Variants in NPAT observed in about 807,000 individuals in gnomAD.
NPAT encodes the protein protein NPAT.
Under a neutral mutation model 130.7 loss-of-function variants are expected in NPAT, and 52 were observed. That is an observed-to-expected ratio of 0.40 (90% CI 0.32 to 0.50). The LOEUF is 0.50. NPAT is among the 20% of genes least tolerant of loss of function. NPAT has a pLI of 0.68. For synonymous variants in NPAT, 580 were observed against 584.8 expected (o/e 0.99, Z 0.12); for missense variants, 1,687 against 1,662.6 (o/e 1.01, Z -0.26).
chr11:108,162,924 C>T (rs2077866522), intron 15 of NPAT, among the ~76,000 whole-genome samples: 1 of 152,254 alleles, frequency 6.6e-6, no homozygotes, highest in Admixed American at 6.5e-5. Flanking sequence ...TTCTAATAGC[C>T]ATATTTTAAT....
intron 2 of NPAT, 88 bp downstream of exon 2, chr11:108,197,213 AT>A (rs1330863954): frequency 1.0e-3 from 911 of 892,700 alleles, no homozygotes; most frequent in South Asian, 1.8e-3. Flanking sequence ...GCCAATTTCA[AT>A]TTTTTTTTTC....
rs1591416613 is a variant in NPAT, at chr11:108,208,813, ATAGC to A, written c.38-11397_38-11394del. On this transcript the variant is annotated intron_variant, in intron 1 of 17. Transcript: ENST00000278612. ...ACTGTAAAGCAACTAGACCTACCAG[ATAGC>A]TATAGAACATTCCAGTCAAAAACAG... 2.6e-5 allele frequency among the ~76,000 whole-genome samples: 4 copies of A among 152,350 alleles called. No homozygotes were observed. The East Asian group carries it at 7.7e-4, about 29-fold the overall frequency.
Position 108,176,921 on chromosome 11 carries a change from T to C in NPAT, c.1003+73A>G, listed in dbSNP as rs1248443859. On this transcript the variant is annotated intron_variant, in intron 11 of 17. Coordinates refer to ENST00000278612, the MANE Select transcript of NPAT (RefSeq NM_002519.3). ...TTTTAGATACTCTGGGGAATGTTGATTCACTCTGGTTAAGTTACCAAAGAA... is the reference window on the plus strand; with the variant it reads ...TTTTAGATACTCTGGGGAATGTTGACTCACTCTGGTTAAGTTACCAAAGAA... 1.1e-6 allele frequency: 1 copy of C among 927,662 alleles called. No homozygotes were observed. Among genetic ancestry groups the C allele is most frequent in the Non-Finnish European group, 1.8e-6 (1 of 562,778 alleles). 57.5% of individuals were successfully genotyped at this position (927,662 alleles called of 1,614,324 possible).
At chr11:108,182,983 T>C (rs2078071515) in intron 10 of NPAT, among the ~76,000 whole-genome samples, 1 of 152,130 alleles carries the variant, frequency 6.6e-6, no homozygotes. Context: ...AGCATACATA[T>C]TTGTTTTTTG....
Position 108,172,488 on chromosome 11 carries a change from G to A in NPAT, c.2496C>T (p.Gly832=). 2 of 1,614,142 alleles carry A rather than the reference G, an allele frequency of 1.2e-6. No individual in the cohort carries two copies. The highest frequency in any genetic ancestry group is 1.7e-6 in the Non-Finnish European group (2 of 1,180,004). The part of the protein sequence containing the change: ...SAVNNTQNED[G]IAFSANVTPC... ...GTGTAACATTAGCTGAAAAAGCAAT[G>A]CCATCTTCATTCTGAGTATTGTTTA... The change falls in exon 13 of 18, where the codon GGC becomes GGT. Residue 832 remains glycine (G), a synonymous_variant. Coordinates refer to ENST00000278612, the MANE Select transcript of NPAT (RefSeq NM_002519.3).
chr11:108,207,603 A>G (rs1341065121), intron 1 of NPAT, among the ~76,000 whole-genome samples: 1 of 152,272 alleles, frequency 6.6e-6, no homozygotes, highest in East Asian at 1.9e-4. Context: ...GCACACACCC[A>G]GCCAGGTCCC....
At chr11:108,204,382 G>GA (rs2078305407) in intron 1 of NPAT, among the ~76,000 whole-genome samples, 1 of 151,626 alleles carries the variant, frequency 6.6e-6, no homozygotes, top group African/African-American at 2.4e-5. Flanking sequence ...GCAACACGTG[G>GA]GGTTACCTAC....
intron 10 of NPAT, among the ~76,000 whole-genome samples, chr11:108,181,220 T>C (rs779549813): frequency 6.6e-6 from 1 of 152,176 alleles, no homozygotes; most frequent in Non-Finnish European, 1.5e-5. Flanking sequence ...TCCCAGCACT[T>C]TGGGAGGCCG....
At chr11:108,207,472 A>C (rs1360622721) in intron 1 of NPAT, among the ~76,000 whole-genome samples, 1 of 152,236 alleles carries the variant, frequency 6.6e-6, no homozygotes, top group Non-Finnish European at 1.5e-5. Context: ...GCCAAGGGGC[A>C]GGCCCATGCC....
intron 1 of NPAT, among the ~76,000 whole-genome samples, chr11:108,219,482 C>CT (rs558553194): frequency 3.3e-5 from 5 of 152,162 alleles, no homozygotes; most frequent in Non-Finnish European, 7.4e-5. Context: ...ATGGTTTCTA[C>CT]TTTTTTTACT....
At position 108,189,836 on chromosome 11, in the gene NPAT, C is replaced by T. The variant is rs372521446; in HGVS notation, c.332-506G>A. ...AGTGAGCCGAGATCGCGCCACTGCA[C>T]TCCAGCCTGGGCGACAGAGCGAGAC... On this transcript the variant is annotated intron_variant, in intron 5 of 17. Transcript: ENST00000278612. Among the ~76,000 whole-genome samples, 3 of 146,730 alleles carry T rather than the reference C, an allele frequency of 2.0e-5. No individual in the cohort carries two copies. The East Asian group carries it at 6.1e-4, about 30-fold the overall frequency.
chr11:108,221,947 G>A (rs1431767574), intron 1 of NPAT, among the ~76,000 whole-genome samples: 2 of 152,158 alleles, frequency 1.3e-5, no homozygotes, highest in African/African-American at 4.8e-5. Flanking sequence ...TTTAAAATAT[G>A]CAACTGGCAT....
chr11:108,162,682 T>C (rs2077863396), intron 15 of NPAT, among the ~76,000 whole-genome samples: 1 of 152,234 alleles, frequency 6.6e-6, no homozygotes, highest in Non-Finnish European at 1.5e-5. Flanking sequence ...TCTGCCCACC[T>C]GGGCCTCCCA....
intron 10 of NPAT, among the ~76,000 whole-genome samples, chr11:108,181,452 G>A (rs565109197): frequency 2.8e-5 from 4 of 143,594 alleles, no homozygotes; most frequent in African/African-American, 5.0e-5. Flanking sequence ...GTGACAGAGC[G>A]AGACTCTGTC....
chr11:108,188,224 G>T (rs1383530675), intron 6 of NPAT, 45 bp from the exon 7 acceptor site: 3 of 1,402,692 alleles, frequency 2.1e-6, no homozygotes, highest in East Asian at 4.6e-5. Context: ...AAACTGAATA[G>T]TTTTCTAAAC....
At chr11:108,165,411 CTTTTA>C (rs1241511276) in intron 15 of NPAT, among the ~76,000 whole-genome samples, 5 of 145,902 alleles carry the variant, frequency 3.4e-5, no homozygotes, top group Non-Finnish European at 6.0e-5. Flanking sequence ...CACCCAGTTT[CTTTTA>C]TTTTCTTCTA....
chr11:108,166,653 TA>T (rs2077905407), intron 15 of NPAT, among the ~76,000 whole-genome samples: 1 of 152,216 alleles, frequency 6.6e-6, no homozygotes, highest in South Asian at 2.1e-4. Context: ...CTTTCTAAAC[TA>T]TCTTGTTCCA....
intron 1 of NPAT, among the ~76,000 whole-genome samples, chr11:108,200,501 T>G (rs943177375): frequency 6.6e-6 from 1 of 152,166 alleles, no homozygotes; most frequent in Non-Finnish European, 1.5e-5. Context: ...CAGACCAATA[T>G]TAATTAACCC....
chr11:108,185,794 A>C (rs2078101981), intron 8 of NPAT, among the ~76,000 whole-genome samples: 1 of 152,202 alleles, frequency 6.6e-6, no homozygotes, highest in African/African-American at 2.4e-5. Context: ...ACAGTGGCAC[A>C]ATCTCAGTTC....
Sources: gnomAD v4.1 joint callset for allele counts (sites outside exome capture counted in the v4.1 genomes callset) on GRCh38, gnomAD v4.1.1 for gene constraint, MANE v1.5 for transcripts, NCBI Gene and HGNC (gene_info 2026-07-23, HGNC 2026-07-21) for gene names.